Variants in MCUB observed in about 807,000 individuals in gnomAD.
The protein encoded by MCUB is calcium uniporter regulatory subunit MCUb, mitochondrial.
Under a neutral mutation model 41.4 loss-of-function variants are expected in MCUB, and 46 were observed. That is an observed-to-expected ratio of 1.11 (90% confidence interval 0.88 to 1.42). MCUB has a LOEUF of 1.42. Ranked by LOEUF, MCUB falls within the 40% of genes most tolerant of loss-of-function variation. MCUB has a pLI of 0.00. For synonymous variants in MCUB, 148 were observed against 148.2 expected, an observed-to-expected ratio of 1.00 and a Z score of 0.01; for missense variants, 403 against 404.9, an observed-to-expected ratio of 1.00 and a Z score of 0.04.
At chr4:109,579,352 C>T (rs1281710621) in intron 1 of MCUB, among the ~76,000 whole-genome samples, 4 of 151,948 alleles carry the variant, frequency 2.6e-5, no homozygotes, top group South Asian at 2.1e-4. Context: ...TGGGTTCAAG[C>T]GATTCTCCTG....
At chr4:109,638,600 A>G (rs897029834) in intron 1 of MCUB, among the ~76,000 whole-genome samples, 2 of 152,148 alleles carry the variant, frequency 1.3e-5, no homozygotes, top group Admixed American at 6.6e-5. Context: ...CCTTAAAATA[A>G]GAGAACCATG....
intron 4 of MCUB, among the ~76,000 whole-genome samples, chr4:109,678,533 G>T (rs1318885693): frequency 7.2e-6 from 1 of 138,968 alleles, no homozygotes; most frequent in Non-Finnish European, 1.5e-5. Flanking sequence ...GGGCAGAGGC[G>T]CTCCTCACAT....
chr4:109,572,534 AAG>A (rs1195269833), intron 1 of MCUB, among the ~76,000 whole-genome samples: 1 of 152,192 alleles, frequency 6.6e-6, no homozygotes, highest in Non-Finnish European at 1.5e-5. Context: ...GGATAGTTGA[AAG>A]ATGTTAACTA....
intron 1 of MCUB, among the ~76,000 whole-genome samples, chr4:109,566,481 AAT>A (rs200126310): frequency 0.014 from 2,062 of 149,140 alleles, 36 homozygotes; most frequent in African/African-American, 0.047. Context: ...AAAAAAAAAA[AAT>A]AAATAAATAA....
intron 4 of MCUB, chr4:109,674,167 A>T: frequency 2.1e-6 from 2 of 933,798 alleles, no homozygotes; most frequent in East Asian, 4.8e-5. Flanking sequence ...CTTTAGTTAG[A>T]CGTCTCATTA....
intron 1 of MCUB, among the ~76,000 whole-genome samples, chr4:109,578,292 T>C (rs1432905190): frequency 1.3e-5 from 2 of 152,236 alleles, no homozygotes; most frequent in Non-Finnish European, 2.9e-5. Flanking sequence ...GGTTGATGTA[T>C]GAAAATTTGA....
At chr4:109,633,916 A>C (rs1043411552) in intron 1 of MCUB, among the ~76,000 whole-genome samples, 1 of 144,388 alleles carries the variant, frequency 6.9e-6, no homozygotes, top group Non-Finnish European at 1.5e-5. Flanking sequence ...TTCCTAAATT[A>C]TTTCTTTCTC....
chr4:109,580,892 T>G (rs1727156356), intron 1 of MCUB, among the ~76,000 whole-genome samples: 1 of 152,148 alleles, frequency 6.6e-6, no homozygotes, highest in African/African-American at 2.4e-5. Context: ...TAGATCCCAT[T>G]TGTCCGAACA....
intron 4 of MCUB, among the ~76,000 whole-genome samples, chr4:109,674,418 A>G (rs1325787248): frequency 1.3e-5 from 2 of 152,216 alleles, no homozygotes; most frequent in African/African-American, 4.8e-5. Context: ...ACTTAGTTCT[A>G]AAGAAGATAA....
chr4:109,572,548 CTG>C (rs1260787792), intron 1 of MCUB, among the ~76,000 whole-genome samples: 5 of 152,202 alleles, frequency 3.3e-5, no homozygotes, highest in South Asian at 4.2e-4. Context: ...TGTTAACTAA[CTG>C]TATCTCAGAA....
chr4:109,671,929 A>G (rs1045389907), intron 4 of MCUB, among the ~76,000 whole-genome samples: 5 of 152,132 alleles, frequency 3.3e-5, no homozygotes, highest in Non-Finnish European at 7.4e-5. Flanking sequence ...GCTTTCCTCT[A>G]GTGTCCTTAT....
chr4:109,611,997 G>A (rs1269427559), intron 1 of MCUB, among the ~76,000 whole-genome samples: 5 of 152,186 alleles, frequency 3.3e-5, no homozygotes, highest in Admixed American at 3.3e-4. Context: ...AAAACAGACT[G>A]CTTGTTAATT....
chr4:109,592,587 C>A (rs1727463617), intron 1 of MCUB, among the ~76,000 whole-genome samples: 1 of 152,106 alleles, frequency 6.6e-6, no homozygotes, highest in South Asian at 2.1e-4. Context: ...CAGGAGGAAC[C>A]TGTCAGCCAT....
At chr4:109,683,326 T>C (rs1729760357) in intron 5 of MCUB, 1 of 152,242 alleles carries the variant, frequency 6.6e-6, no homozygotes, top group Non-Finnish European at 1.5e-5. Flanking sequence ...TATCTTTGAA[T>C]ATGAATGGAA....
chr4:109,651,971 C>T (rs193200278), intron 1 of MCUB, among the ~76,000 whole-genome samples: 27 of 152,276 alleles, frequency 1.8e-4, no homozygotes, highest in African/African-American at 6.3e-4. Flanking sequence ...AAACCTTCCT[C>T]GCCACCCTTC....
chr4:109,598,363 C>G (rs965637680), intron 1 of MCUB, among the ~76,000 whole-genome samples: 1 of 152,196 alleles, frequency 6.6e-6, no homozygotes, highest in Non-Finnish European at 1.5e-5. Context: ...GAGGCCGAGG[C>G]TGGCGGATCA....
chr4:109,590,303 G>C (rs1727400547), intron 1 of MCUB, among the ~76,000 whole-genome samples: 2 of 152,028 alleles, frequency 1.3e-5, no homozygotes, highest in South Asian at 4.1e-4. Context: ...TCTATAATTG[G>C]CTTACCCTTT....
intron 4 of MCUB, among the ~76,000 whole-genome samples, chr4:109,679,367 T>G (rs1458127128): frequency 6.6e-6 from 1 of 152,134 alleles, no homozygotes; most frequent in Non-Finnish European, 1.5e-5. Flanking sequence ...CATTGAGCAC[T>G]GAGTGAGCGA....
At chr4:109,658,972 CTT>C (rs770851423) in intron 1 of MCUB, 37 bp from the exon 2 acceptor site, 3 of 1,140,762 alleles carry the variant, frequency 2.6e-6, no homozygotes, top group Middle Eastern at 2.2e-4. Context: ...CTTTCCCACT[CTT>C]TTTTTAAAAA....
Sources: gnomAD v4.1 joint callset for allele counts (sites outside exome capture counted in the v4.1 genomes callset) on GRCh38, gnomAD v4.1.1 for gene constraint, MANE v1.5 for transcripts, NCBI Gene and HGNC (gene_info 2026-07-23, HGNC 2026-07-21) for gene names.